ZNF69: variants seen among roughly 807,000 people sequenced by gnomAD.
The protein encoded by ZNF69 is ZNF3.
In ZNF69, 47 loss-of-function variants were observed where a neutral mutation model predicts 50.9. The observed-to-expected ratio is 0.92, with a 90% CI of 0.73 to 1.18. ZNF69 has a LOEUF of 1.18. Among genes scored for constraint, ZNF69 ranks in the 50% most tolerant of loss-of-function variants. ZNF69 has a pLI of 0.00. For synonymous variants in ZNF69, 216 were observed against 223.1 expected (o/e 0.97, Z 0.29); for missense variants, 717 against 675.1 (o/e 1.06, Z -0.69).
chr19:11,891,880 C>A (rs749804709), intron 1 of ZNF69, among the ~76,000 whole-genome samples: 1 of 152,112 alleles, frequency 6.6e-6, no homozygotes, highest in Non-Finnish European at 1.5e-5. Flanking sequence ...TCTGGCTCCC[C>A]TAGGCACCTG....
the ZNF69 span, among the ~76,000 whole-genome samples, chr19:11,954,820 T>TA: frequency 6.6e-6 from 1 of 151,884 alleles, no homozygotes; most frequent in Non-Finnish European, 1.5e-5. Flanking sequence ...GGGCCTTTGT[T>TA]AAAAAACAAA....
At chr19:11,946,997 A>T in the ZNF69 span, 4 of 1,110,536 alleles carry the variant, frequency 3.6e-6, no homozygotes, top group Non-Finnish European at 4.8e-6. Context: ...TCAAAAAATA[A>T]ATAAATAAAT....
At chr19:11,979,307 G>A in the ZNF69 span, 4 of 1,587,830 alleles carry the variant, frequency 2.5e-6, no homozygotes, top group East Asian at 2.3e-5. Flanking sequence ...GCCTTCAGAT[G>A]TGCCCCACAC....
At chr19:11,915,131 A>AGACAGAGG (rs374706454), downstream of ZNF69, among the ~76,000 whole-genome samples, 335 of 152,288 alleles carry the variant, frequency 2.2e-3, 2 homozygotes, top group African/African-American at 7.8e-3. Context: ...TTGAGCCTGG[A>AGACAGAGG]GACAGAGGTT....
intron 1 of ZNF69, among the ~76,000 whole-genome samples, chr19:11,892,041 G>A (rs576077519): frequency 7.9e-5 from 12 of 151,950 alleles, no homozygotes; most frequent in South Asian, 2.1e-4. Flanking sequence ...GCAGTGGTGC[G>A]ATCATGGCTT....
chr19:11,950,848 C>A, the ZNF69 span: 1 of 171,658 alleles, frequency 5.8e-6, no homozygotes, highest in Admixed American at 6.0e-5. Flanking sequence ...GCATCTTTTT[C>A]CTCATGGAAA....
chr19:11,932,971 C>G, the ZNF69 span, among the ~76,000 whole-genome samples: 1 of 148,514 alleles, frequency 6.7e-6, no homozygotes, highest in Non-Finnish European at 1.5e-5. Flanking sequence ...TTTATTTAAA[C>G]TCAGTTATGA....
chr19:11,947,804 C>G, the ZNF69 span, among the ~76,000 whole-genome samples: 1 of 152,136 alleles, frequency 6.6e-6, no homozygotes, highest in East Asian at 1.9e-4. Context: ...CCATCAGTTC[C>G]AGAACAGCCT....
the ZNF69 span, chr19:11,956,614 G>A: frequency 2.5e-6 from 1 of 398,432 alleles, no homozygotes; most frequent in Non-Finnish European, 4.4e-6. Context: ...CCAGCACTTT[G>A]GGAGGCCAAG....
chr19:11,953,072 T>TCA, the ZNF69 span: 746 of 152,128 alleles, frequency 4.9e-3, 10 homozygotes, highest in Non-Finnish European at 7.0e-3. Flanking sequence ...CGAGACTCCA[T>TCA]CACACACACA....
chr19:11,905,486 GAT>G lies in ZNF69; in HGVS notation c.1092_1093del (p.Ile364MetfsTer15). 6.2e-7 allele frequency: 1 copy of G among 1,614,176 alleles called. No individual in the cohort carries two copies. The highest frequency in any genetic ancestry group is 1.3e-5 in the African/African-American group (1 of 75,050). ...CTGGAGAAAGACCTTATGAATGTAA[GAT>G]ATGTGGGAAAGGCTTTTGTTCTGCC... ...HSGERPYECK[I>X]CGKGFCSANS... On this transcript the variant is annotated frameshift_variant, in exon 4 of 4. Transcript: ENST00000429654. LOFTEE classifies it high-confidence loss of function.
rs1299799089 is a variant in ZNF69 at position 11,906,057 on chromosome 19, A to G, written c.1660A>G (p.Arg554Gly). 1 of 1,613,246 alleles carries G rather than the reference A, an allele frequency of 6.2e-7. No homozygotes were observed. Among genetic ancestry groups the G allele is most frequent in the African/African-American group, 1.3e-5 (1 of 74,884 alleles). ...TGCCTCAGTCCTTCGAATGCATGGT[A>G]GGACTCACCCTGAAGATAAACCCTA... ...RAASVLRMHGRTHPEDKPYEC... is the reference protein window; with the variant it reads ...RAASVLRMHGGTHPEDKPYEC... The change falls in exon 4 of 4, where the codon AGG becomes GGG. Residue 554 changes from arginine to glycine, a missense_variant. By Grantham distance (125) the Arg-to-Gly change is moderately radical. Coordinates refer to ENST00000429654, the MANE Select transcript of ZNF69 (RefSeq NM_001364730.1).
At chr19:11,916,167 C>T (rs1400712975), downstream of ZNF69, among the ~76,000 whole-genome samples, 3 of 152,102 alleles carry the variant, frequency 2.0e-5, no homozygotes, top group Non-Finnish European at 4.4e-5. Context: ...TAATTCTAGA[C>T]CTTGAAGCCA....
chr19:11,923,392 CT>C, the ZNF69 span, among the ~76,000 whole-genome samples: 7 of 152,338 alleles, frequency 4.6e-5, no homozygotes, highest in East Asian at 1.4e-3. Flanking sequence ...CTCACACAAG[CT>C]GCAACAGCAC....
chr19:11,920,267 A>G, the ZNF69 span, among the ~76,000 whole-genome samples: 2 of 151,904 alleles, frequency 1.3e-5, no homozygotes, highest in Non-Finnish European at 2.9e-5. Context: ...GTGCACTACC[A>G]TGTCCGGATA....
chr19:11,967,285 C>T, the ZNF69 span, among the ~76,000 whole-genome samples: 1 of 152,078 alleles, frequency 6.6e-6, no homozygotes, highest in African/African-American at 2.4e-5. Context: ...GCAGCCCAGC[C>T]GAGGACTCGC....
Position 11,904,917 on chromosome 19 carries a change from A to C in ZNF69, c.520A>C (p.Arg174=), listed in dbSNP as rs546243686. ...GTGTCAACAACCTAAAAAAGCCTTC[A>C]GATATCACCCCTCCTTTAGAACACC... ...CKCQQPKKAF[R]YHPSFRTPQR... Residue 174 remains arginine (R), a synonymous_variant, in exon 4 of 4, where the codon AGA becomes CGA. Coordinates refer to ENST00000429654, the MANE Select transcript of ZNF69 (RefSeq NM_001364730.1). 1.9e-6 allele frequency: 3 copies of C among 1,614,248 alleles called. No individual in the cohort carries two copies. The highest frequency in any genetic ancestry group is 3.3e-5 in the Admixed American group (2 of 60,028).
At chr19:11,926,406 A>G in the ZNF69 span, among the ~76,000 whole-genome samples, 1 of 151,888 alleles carries the variant, frequency 6.6e-6, no homozygotes, top group Non-Finnish European at 1.5e-5. Context: ...CTTTGTTTTT[A>G]TTTGAGACGG....
In ZNF69 at chr19:11,906,157, A is replaced by G; in HGVS notation, c.*59A>G. On this transcript the variant is annotated 3_prime_UTR_variant, in exon 4 of 4. Transcript: ENST00000429654. Reference sequence around the variant, plus strand: ...ATGCATGGTAGGACACACAATCAAGAGAAACCATGAATGTAAAGAATGTGG... The same window carrying G: ...ATGCATGGTAGGACACACAATCAAGGGAAACCATGAATGTAAAGAATGTGG... 1.3e-6 allele frequency: 2 copies of G among 1,576,640 alleles called. No individual in the cohort carries two copies. Among genetic ancestry groups the G allele is most frequent in the Non-Finnish European group, 1.7e-6 (2 of 1,167,766 alleles).
Sources: allele counts gnomAD v4.1 joint callset (sites outside exome capture counted in the v4.1 genomes callset), GRCh38; gene constraint gnomAD v4.1.1; transcripts MANE v1.5; gene names NCBI Gene and HGNC (gene_info 2026-07-23, HGNC 2026-07-21).